Variants in GPHN observed in about 807,000 individuals in gnomAD.
The protein encoded by GPHN is gephyrin.
Under a neutral mutation model 95.5 loss-of-function variants are expected in GPHN, and 17 were observed. The observed-to-expected ratio is 0.18, with a 90% CI of 0.12 to 0.27. The LOEUF (loss-of-function observed/expected upper bound fraction) is 0.27. GPHN is among the 10% of genes least tolerant of loss of function. GPHN has a pLI of 1.00. For synonymous variants in GPHN, 320 were observed against 322.5 expected (o/e 0.99, Z 0.08); for missense variants, 660 against 978.1 (o/e 0.67, Z 4.34).
Position 66,785,066 on chromosome 14 carries a change from T to A in GPHN, c.201+8545T>A, listed in dbSNP as rs558074082. ...AAGATTTATGTGTGAACACAAATTTTAAAAAAAAAAGCAGGAGTGGGCTGG... is the reference window on the plus strand; with the variant it reads ...AAGATTTATGTGTGAACACAAATTTAAAAAAAAAAAGCAGGAGTGGGCTGG... On this transcript the variant is annotated intron_variant, in intron 3 of 22. Transcript: ENST00000478722. 6.8e-3 allele frequency among the ~76,000 whole-genome samples: 1,011 copies of A among 149,484 alleles called. 11 individuals are homozygous for A. Among genetic ancestry groups the A allele is most frequent in the African/African-American group, 0.02 (830 of 40,920 alleles).
intron 4 of GPHN, among the ~76,000 whole-genome samples, chr14:66,867,422 C>A (rs1238224868): frequency 6.6e-6 from 1 of 152,166 alleles, no homozygotes; most frequent in African/African-American, 2.4e-5. Context: ...ACTCTTACTT[C>A]CGTTCTGCTC....
chr14:67,672,694 C>T, the GPHN span, among the ~76,000 whole-genome samples: 1 of 152,112 alleles, frequency 6.6e-6, no homozygotes, highest in East Asian at 1.9e-4. Flanking sequence ...CCGCCCGCCT[C>T]GGCTTCCCCA....
At chr14:67,324,491 T>G in the GPHN span, among the ~76,000 whole-genome samples, 1 of 152,362 alleles carries the variant, frequency 6.6e-6, no homozygotes, top group African/African-American at 2.4e-5. Context: ...TTGCCTCATT[T>G]CATTGACTAT....
chr14:66,811,384 T>C (rs146389499), intron 3 of GPHN, among the ~76,000 whole-genome samples: 1 of 152,286 alleles, frequency 6.6e-6, no homozygotes, highest in African/African-American at 2.4e-5. Flanking sequence ...AAAATATTTA[T>C]GGAAGTATGG....
chr14:67,437,661 G>A, the GPHN span, among the ~76,000 whole-genome samples: 7 of 152,250 alleles, frequency 4.6e-5, no homozygotes, highest in Non-Finnish European at 1.0e-4. Flanking sequence ...GAGGAGGGGG[G>A]AGAGAGAGGT....
chr14:67,246,029 C>G, the GPHN span, among the ~76,000 whole-genome samples: 2 of 151,982 alleles, frequency 1.3e-5, no homozygotes, highest in Non-Finnish European at 2.9e-5. Context: ...TTGTATTCCT[C>G]TTGTCTCTTT....
At chr14:67,608,074 CAA>C in the GPHN span, among the ~76,000 whole-genome samples, 6 of 145,916 alleles carry the variant, frequency 4.1e-5, no homozygotes, top group Admixed American at 3.4e-4. Context: ...CCTGTCTCTA[CAA>C]AAAAAAAAAT....
At chr14:66,632,348 C>T (rs1039439121) in intron 1 of GPHN, among the ~76,000 whole-genome samples, 4 of 152,056 alleles carry the variant, frequency 2.6e-5, no homozygotes, top group Non-Finnish European at 5.9e-5. Context: ...ATAATCCCAG[C>T]TTTATAATGT....
chr14:67,020,105 T>A (rs1183624143), intron 9 of GPHN, among the ~76,000 whole-genome samples: 1 of 152,200 alleles, frequency 6.6e-6, no homozygotes, highest in African/African-American at 2.4e-5. Flanking sequence ...AGATTAAATC[T>A]TCTGTGTCTT....
intron 3 of GPHN, among the ~76,000 whole-genome samples, chr14:66,802,873 A>G (rs991143525): frequency 3.3e-5 from 5 of 152,040 alleles, no homozygotes; most frequent in African/African-American, 1.2e-4. Context: ...CCTCAAGTGG[A>G]TGGAAGTGTC....
chr14:67,473,104 G>T, the GPHN span: 1 of 359,036 alleles, frequency 2.8e-6, no homozygotes, highest in Non-Finnish European at 5.2e-6. The surrounding 1 kb of genome is among the most constrained non-coding windows in gnomAD (Gnocchi z 6.5). Context: ...CCAGGACAGG[G>T]CCTGCTGCTT....
chr14:67,102,820 A>G (rs2077790710), intron 13 of GPHN, among the ~76,000 whole-genome samples: 1 of 152,326 alleles, frequency 6.6e-6, no homozygotes. Context: ...TAGGAGAAGG[A>G]TGATGCCAAT....
chr14:66,985,349 A>G (rs1309202125), intron 9 of GPHN, among the ~76,000 whole-genome samples: 1 of 152,218 alleles, frequency 6.6e-6, no homozygotes, highest in African/African-American at 2.4e-5. Context: ...AAAAGTACAT[A>G]GGTATATTTG....
At chr14:67,702,546 C>G in the GPHN span, among the ~76,000 whole-genome samples, 1 of 152,196 alleles carries the variant, frequency 6.6e-6, no homozygotes, top group South Asian at 2.1e-4. Context: ...ATAAATCTGA[C>G]CATAAATCTA....
chr14:67,097,521 T>C (rs1186093665), intron 12 of GPHN, among the ~76,000 whole-genome samples: 1 of 151,854 alleles, frequency 6.6e-6, no homozygotes, highest in African/African-American at 2.4e-5. Flanking sequence ...CTCTCCTTCT[T>C]TCCCTCCCTA....
At chr14:66,948,149 G>GTA (rs1361949288) in intron 8 of GPHN, among the ~76,000 whole-genome samples, 3 of 152,076 alleles carry the variant, frequency 2.0e-5, no homozygotes, top group Non-Finnish European at 4.4e-5. Context: ...TTCAGCAAGA[G>GTA]TATACCTTTT....
At chr14:66,524,510 T>G (rs1464479844) in intron 1 of GPHN, among the ~76,000 whole-genome samples, 1 of 152,076 alleles carries the variant, frequency 6.6e-6, no homozygotes, top group Non-Finnish European at 1.5e-5. Context: ...AAAAAATTAT[T>G]ATTATACTTT....
chr14:67,089,147 T>TTTTG (rs2077045824), intron 12 of GPHN, 72 bp downstream of exon 12: 1 of 491,706 alleles, frequency 2.0e-6, no homozygotes, highest in Non-Finnish European at 3.6e-6. Context: ...TTTTTTTTTT[T>TTTTG]TTTTTTTTTT....
chr14:66,929,532 T>C (rs2066665701), intron 8 of GPHN, among the ~76,000 whole-genome samples: 2 of 152,166 alleles, frequency 1.3e-5, no homozygotes, highest in South Asian at 4.1e-4. Flanking sequence ...TGTCATATCC[T>C]CTTGCTGAAT....
Sources: allele counts gnomAD v4.1 joint callset (sites outside exome capture counted in the v4.1 genomes callset), GRCh38; gene constraint gnomAD v4.1.1; non-coding constraint Gnocchi (gnomAD v3.1); transcripts MANE v1.5; gene names NCBI Gene and HGNC (gene_info 2026-07-23, HGNC 2026-07-21).